Variants in ASCL4 observed in about 807,000 individuals in gnomAD.
ASCL4 encodes achaete-scute homolog 4.
A neutral mutation model predicts 0.3 loss-of-function variants in ASCL4; 1 was observed. The ratio of observed to expected loss-of-function variants is 3.35; its 90% CI spans 1.19 to 15.89. ASCL4 has a LOEUF of 15.89. Among genes scored for constraint, ASCL4 ranks in the 30% most tolerant of loss-of-function variants. The pLI is 0.12. For synonymous variants in ASCL4, 137 were observed against 119.5 expected, an observed-to-expected ratio of 1.15 and a Z score of -0.96; for missense variants, 330 against 256.9, an observed-to-expected ratio of 1.28 and a Z score of -1.94.
Position 107,774,834 on chromosome 12 carries a change from C to T in ASCL4, c.-385C>T. On this transcript the variant is annotated 5_prime_UTR_variant, in exon 1 of 1. Coordinates refer to ENST00000342331, the MANE Select transcript of ASCL4 (RefSeq NM_203436.3). ...GTGGTGGATTACAGGCATTGAAAAG[C>T]TTTTGGTGGCTTTGGAAGATGACTC... 1 of 198,506 alleles carries T rather than the reference C, an allele frequency of 5.0e-6. No homozygotes were observed. The highest frequency in any genetic ancestry group is 1.0e-5 in the Non-Finnish European group (1 of 98,674). 12.3% of individuals were successfully genotyped at this position (198,506 alleles called of 1,614,324 possible).
In ASCL4 at chr12:107,775,505, G is replaced by A. The variant is rs1593185306; in HGVS notation, c.287G>A (p.Arg96Gln). Reference protein sequence around the residue: ...RCVNEGYARLRDHLPRELADK... With the variant: ...RCVNEGYARLQDHLPRELADK... ...GTGAACGAGGGCTATGCGCGCCTCC[G>A]AGACCACCTGCCCCGGGAGCTGGCA... is the stretch of plus-strand genomic sequence containing the variant. Residue 96 changes from arginine to glutamine, a missense_variant, in exon 1 of 1, where the codon CGA becomes CAA. By Grantham distance (43) the Arg-to-Gln change is conservative (BLOSUM62 1). Coordinates refer to ENST00000342331, the MANE Select transcript of ASCL4 (RefSeq NM_203436.3). The A allele has an allele frequency of 6.4e-7, 1 of 1,571,828 alleles. No homozygotes were observed. The highest frequency in any genetic ancestry group is 2.3e-5 in the East Asian group (1 of 43,658).
chr12:107,776,389 G>A lies in ASCL4; in HGVS notation c.*652G>A, dbSNP rs1049393284. The stretch of plus-strand genomic sequence containing the variant: ...GGGAATCCGTGGCTTGGTACACACT[G>A]TTTCATCCAGTGGCCACGTGGAAGC... On this transcript the variant is annotated 3_prime_UTR_variant, in exon 1 of 1. Transcript: ENST00000342331. The A allele has an allele frequency of 6.0e-6, 1 of 167,106 alleles. No individual in the cohort carries two copies. The highest frequency in any genetic ancestry group is 1.5e-5 in the Non-Finnish European group (1 of 68,136). 10.4% of individuals were successfully genotyped at this position (167,106 alleles called of 1,614,324 possible). A position where few individuals can be genotyped will look rare whatever the true frequency, so the allele number is the denominator to read the frequency against.
rs1048634961 is a variant in ASCL4, at chr12:107,776,016, A to G, written c.*279A>G. 1.1e-5 allele frequency: 4 copies of G among 357,352 alleles called. No individual in the cohort carries two copies. The East Asian group carries it at 1.8e-4, about 16-fold the overall frequency. 22.1% of individuals were successfully genotyped at this position (357,352 alleles called of 1,614,324 possible). A position where few individuals can be genotyped will look rare whatever the true frequency, so the allele number is the denominator to read the frequency against. On this transcript the variant is annotated 3_prime_UTR_variant, in exon 1 of 1. Transcript: ENST00000342331. Reference sequence around the variant, plus strand: ...ATACTTCTAAAATGCAAACTGTTTCAGATTCTGAGCACCTCATTGTAAATA... The same window carrying G: ...ATACTTCTAAAATGCAAACTGTTTCGGATTCTGAGCACCTCATTGTAAATA...
rs1197787792 is a variant in ASCL4 at position 107,775,687 on chromosome 12, GC to G, written c.471del (p.Ser158LeufsTer48). 1 of 1,479,966 alleles carries G rather than the reference GC, an allele frequency of 6.8e-7. No homozygotes were observed. Among genetic ancestry groups the G allele is most frequent in the African/African-American group, 1.5e-5 (1 of 68,124 alleles). The allele number at this position is 1,479,966 out of a possible 1,614,324, so 91.7% of individuals were successfully genotyped here. A position where few individuals can be genotyped will look rare whatever the true frequency, so the allele number is the denominator to read the frequency against. On this transcript the variant is annotated frameshift_variant, in exon 1 of 1. Coordinates refer to ENST00000342331, the MANE Select transcript of ASCL4 (RefSeq NM_203436.3). LOFTEE classifies it high-confidence loss of function. ...ATGCAACAGCGACGGGGAGTCCAAG[GC>G]CTCTTCGGCGCCTTCGCCCAGCAGC... is the stretch of plus-strand genomic sequence containing the variant. ...AECNSDGESKASSAPSPSSEP... is the reference protein window; with the variant it reads ...AECNSDGESKXSSAPSPSSEP...
chr12:107,775,791 G>A lies in ASCL4; in HGVS notation c.*54G>A. On this transcript the variant is annotated 3_prime_UTR_variant, in exon 1 of 1. Coordinates refer to ENST00000342331, the MANE Select transcript of ASCL4 (RefSeq NM_203436.3). ...CGCCCGCCGCACAGCGCGCAGCCGG[G>A]CGCTCAACCTAAGGTCCTCTTCGAA... is the stretch of plus-strand genomic sequence containing the variant. 7.2e-7 allele frequency: 1 copy of A among 1,379,762 alleles called. No homozygotes were observed. Among genetic ancestry groups the A allele is most frequent in the Non-Finnish European group, 9.3e-7 (1 of 1,069,544 alleles). 85.5% of individuals were successfully genotyped at this position (1,379,762 alleles called of 1,614,324 possible).
Position 107,775,497 on chromosome 12 carries a change from G to A in ASCL4, c.279G>A (p.Ala93=). 1 of 1,571,596 alleles carries A rather than the reference G, an allele frequency of 6.4e-7. No individual in the cohort carries two copies. Among genetic ancestry groups the A allele is most frequent in the East Asian group, 2.3e-5 (1 of 43,624 alleles). The change falls in exon 1 of 1, where the codon GCG becomes GCA. Residue 93 remains alanine (A), a synonymous_variant. Transcript: ENST00000342331. The part of the protein sequence containing the change: ...QRVRCVNEGY[A]RLRDHLPREL... The stretch of plus-strand genomic sequence containing the variant: ...TGCGCTGCGTGAACGAGGGCTATGC[G>A]CGCCTCCGAGACCACCTGCCCCGGG...
Position 107,775,077 on chromosome 12 carries a change from C to A in ASCL4, c.-142C>A, listed in dbSNP as rs996205560. On this transcript the variant is annotated 5_prime_UTR_variant, in exon 1 of 1. Transcript: ENST00000342331. ...CCCTGAAGCCTGTCCAGGAACCTAA[C>A]TTCTGGACCCAGAAACTTCTGCAAA... 2 of 1,106,942 alleles carry A rather than the reference C, an allele frequency of 1.8e-6. No homozygotes were observed. Among genetic ancestry groups the A allele is most frequent in the Non-Finnish European group, 2.6e-6 (2 of 771,512 alleles). The allele number at this position is 1,106,942 out of a possible 1,614,324, so 68.6% of individuals were successfully genotyped here. A position where few individuals can be genotyped will look rare whatever the true frequency, so the allele number is the denominator to read the frequency against.
In ASCL4 at chr12:107,775,555, A is replaced by G. The variant is rs909879273; in HGVS notation, c.337A>G (p.Thr113Ala). Residue 113 changes from threonine (T) to alanine (A), a missense_variant, in exon 1 of 1, where the codon ACG (threonine) becomes GCG (alanine). By Grantham distance (58) the Thr-to-Ala change is moderately conservative. Transcript: ENST00000342331. ...AGACAAGCGCCTCAGCAAAGTGGAGACGCTCCGCGCTGCCATCGACTACAT... is the reference window on the plus strand; with the variant it reads ...AGACAAGCGCCTCAGCAAAGTGGAGGCGCTCCGCGCTGCCATCGACTACAT... Reference protein sequence around the residue: ...LADKRLSKVETLRAAIDYIKH... With the variant: ...LADKRLSKVEALRAAIDYIKH... The G allele has an allele frequency of 1.3e-6, 2 of 1,576,900 alleles. No individual in the cohort carries two copies. Among genetic ancestry groups the G allele is most frequent in the Non-Finnish European group, 1.7e-6 (2 of 1,170,070 alleles).
Position 107,775,559 on chromosome 12 carries a change from T to G in ASCL4, c.341T>G (p.Leu114Arg). Residue 114 changes from leucine (L) to arginine (R), a missense_variant, in exon 1 of 1, where the codon CTC (leucine) becomes CGC (arginine). Coordinates refer to ENST00000342331, the MANE Select transcript of ASCL4 (RefSeq NM_203436.3). ...ADKRLSKVET[L>R]RAAIDYIKHL... ...AAGCGCCTCAGCAAAGTGGAGACGCTCCGCGCTGCCATCGACTACATCAAG... is the reference window on the plus strand; with the variant it reads ...AAGCGCCTCAGCAAAGTGGAGACGCGCCGCGCTGCCATCGACTACATCAAG... 6.3e-7 allele frequency: 1 copy of G among 1,577,370 alleles called. No homozygotes were observed. Among genetic ancestry groups the G allele is most frequent in the Non-Finnish European group, 8.5e-7 (1 of 1,170,462 alleles).
rs765213559 is a variant in ASCL4, at chr12:107,775,264, C to T, written c.46C>T (p.Leu16=). Residue 16 remains leucine, a synonymous_variant, in exon 1 of 1, where the codon CTG becomes TTG. Coordinates refer to ENST00000342331, the MANE Select transcript of ASCL4 (RefSeq NM_203436.3). The part of the protein sequence containing the change: ...PAERLALPYS[L]RTAPLGVPGT... ...GGAACGGCTGGCCTTGCCATACTCG[C>T]TGCGCACCGCGCCCCTGGGCGTTCC... 4 of 1,612,856 alleles carry T rather than the reference C, an allele frequency of 2.5e-6. No homozygotes were observed. The African/African-American group carries it at 5.3e-5, about 22-fold the overall frequency.
rs980904858 is a variant in ASCL4, at chr12:107,775,915, T to C, written c.*178T>C. 5.5e-6 allele frequency: 4 copies of C among 725,560 alleles called. No individual in the cohort carries two copies. The highest frequency in any genetic ancestry group is 8.0e-6 in the Non-Finnish European group (4 of 500,922). The allele number at this position is 725,560 out of a possible 1,614,324, so 44.9% of individuals were successfully genotyped here. A position where few individuals can be genotyped will look rare whatever the true frequency, so the allele number is the denominator to read the frequency against. On this transcript the variant is annotated 3_prime_UTR_variant, in exon 1 of 1. Transcript: ENST00000342331. ...GGGGGATGGGGGAGTTGTTTTGACA[T>C]TTGGGAATTTCTCCCCTGCCCTTAT...
In ASCL4 at chr12:107,775,641, C is replaced by T. The variant is rs772127247; in HGVS notation, c.423C>T (p.Ala141=). ...GGGGGCTCGAGGGCGCGGCCGGCGC[C>T]GTCCCCCAGCGCAGGGCGGAATGCA... ...QAWGLEGAAG[A]VPQRRAECNS... Residue 141 remains alanine, a synonymous_variant, in exon 1 of 1, where the codon GCC becomes GCT. Transcript: ENST00000342331. The T allele has an allele frequency of 6.4e-7, 1 of 1,555,854 alleles. No homozygotes were observed. The highest frequency in any genetic ancestry group is 8.6e-7 in the Non-Finnish European group (1 of 1,160,538).
Position 107,775,282 on chromosome 12 carries a change from G to C in ASCL4, c.64G>C (p.Gly22Arg). ...LPYSLRTAPLGVPGTLPGLPR... is the reference protein window; with the variant it reads ...LPYSLRTAPLRVPGTLPGLPR... ...ATACTCGCTGCGCACCGCGCCCCTG[G>C]GCGTTCCGGGGACCCTGCCCGGACT... The change falls in exon 1 of 1, where the codon GGC (glycine) becomes CGC (arginine). Residue 22 changes from glycine (G) to arginine (R), a missense_variant. Transcript: ENST00000342331. 6.2e-7 allele frequency: 1 copy of C among 1,612,530 alleles called. No homozygotes were observed. The highest frequency in any genetic ancestry group is 8.5e-7 in the Non-Finnish European group (1 of 1,179,350).
In ASCL4 at chr12:107,775,115, G is replaced by A. The variant is rs1160874227; in HGVS notation, c.-104G>A. ...AAACTTCTGCAAAGACAGACCCACT[G>A]AGCCAGGCAGTCTGCACCAGCACCT... On this transcript the variant is annotated 5_prime_UTR_variant, in exon 1 of 1. Transcript: ENST00000342331. The A allele has an allele frequency of 1.4e-6, 2 of 1,471,114 alleles. No individual in the cohort carries two copies. Among genetic ancestry groups the A allele is most frequent in the African/African-American group, 1.4e-5 (1 of 69,714 alleles). The allele number at this position is 1,471,114 out of a possible 1,614,324, so 91.1% of individuals were successfully genotyped here.
chr12:107,775,724 AG>A lies in ASCL4; in HGVS notation c.512del (p.Gly171AlafsTer35), dbSNP rs201513808. On this transcript the variant is annotated frameshift_variant, in exon 1 of 1. Coordinates refer to ENST00000342331, the MANE Select transcript of ASCL4 (RefSeq NM_203436.3). LOFTEE classifies it high-confidence loss of function. ...CCTTCGCCCAGCAGCGAGCCCGAGG[AG>A]GGGGGCAGCTAGCGAGCGCCCGAAC... Reference protein sequence around the residue: ...SAPSPSSEPEEGGS With the variant: ...SAPSPSSEPEXGGS 15,960 of 1,444,978 alleles carry A rather than the reference AG, an allele frequency of 0.011. 214 individuals are homozygous for A. Among genetic ancestry groups the A allele is most frequent in the Admixed American group, 0.078 (2,789 of 35,766 alleles). The allele number at this position is 1,444,978 out of a possible 1,614,324, so 89.5% of individuals were successfully genotyped here.
Position 107,775,322 on chromosome 12 carries a change from C to A in ASCL4, c.104C>A (p.Pro35His). 6.2e-7 allele frequency: 1 copy of A among 1,610,282 alleles called. No individual in the cohort carries two copies. The highest frequency in any genetic ancestry group is 8.5e-7 in the Non-Finnish European group (1 of 1,178,280). Residue 35 changes from proline (P) to histidine (H), a missense_variant, in exon 1 of 1, where the codon CCC (proline) becomes CAC (histidine). Physicochemically the swap from Pro to His is moderately conservative, Grantham distance 77. Coordinates refer to ENST00000342331, the MANE Select transcript of ASCL4 (RefSeq NM_203436.3). ...GTLPGLPRRDPLRVALRLDAA... is the reference protein window; with the variant it reads ...GTLPGLPRRDHLRVALRLDAA... ...CTGCCCGGACTCCCGCGGAGGGACC[C>A]CCTCAGGGTCGCCCTGCGTCTGGAC...
rs1353792785 is a variant in ASCL4, at chr12:107,775,585, C to T, written c.367C>T (p.His123Tyr). ...CCGCGCTGCCATCGACTACATCAAG[C>T]ACCTGCAGGAGCTGCTGGAGCGCCA... ...TLRAAIDYIK[H>Y]LQELLERQAW... The change falls in exon 1 of 1, where the codon CAC (histidine) becomes TAC (tyrosine). Residue 123 changes from histidine (H) to tyrosine (Y), a missense_variant. Physicochemically the swap from His to Tyr is moderately conservative, Grantham distance 83 (BLOSUM62 2). Coordinates refer to ENST00000342331, the MANE Select transcript of ASCL4 (RefSeq NM_203436.3). 2.5e-6 allele frequency: 4 copies of T among 1,580,096 alleles called. No individual in the cohort carries two copies. The highest frequency in any genetic ancestry group is 3.4e-6 in the Non-Finnish European group (4 of 1,171,742).
At position 107,775,335 on chromosome 12, in the gene ASCL4, C is replaced by T. The variant is rs779517749; in HGVS notation, c.117C>T (p.Ala39=). 1.5e-5 allele frequency: 24 copies of T among 1,609,524 alleles called. No individual in the cohort carries two copies. The highest frequency in any genetic ancestry group is 1.7e-4 in the Middle Eastern group (1 of 5,972). ...GLPRRDPLRV[A]LRLDAACWEW... ...CGCGGAGGGACCCCCTCAGGGTCGCCCTGCGTCTGGACGCCGCGTGCTGGG... is the reference window on the plus strand; with the variant it reads ...CGCGGAGGGACCCCCTCAGGGTCGCTCTGCGTCTGGACGCCGCGTGCTGGG... Residue 39 remains alanine (A), a synonymous_variant, in exon 1 of 1, where the codon GCC becomes GCT. Coordinates refer to ENST00000342331, the MANE Select transcript of ASCL4 (RefSeq NM_203436.3).
In ASCL4 at chr12:107,775,147, C is replaced by T; in HGVS notation, c.-72C>T. 1 of 1,557,052 alleles carries T rather than the reference C, an allele frequency of 6.4e-7. No homozygotes were observed. The highest frequency in any genetic ancestry group is 8.7e-7 in the Non-Finnish European group (1 of 1,146,634). On this transcript the variant is annotated 5_prime_UTR_variant, in exon 1 of 1. Transcript: ENST00000342331. ...GCAGTCTGCACCAGCACCTCTGCTT[C>T]TAAGATTCTGTTTCGTCTTCTTCTA...
Sources: gnomAD v4.1 joint callset for allele counts on GRCh38, gnomAD v4.1.1 for gene constraint, MANE v1.5 for transcripts, NCBI Gene and HGNC (gene_info 2026-07-23, HGNC 2026-07-21) for gene names.